FAM117A: variants seen among roughly 807,000 people sequenced by gnomAD.
FAM117A encodes protein FAM117A.
FAM117A carries 21 observed loss-of-function variants against 44.1 expected under a neutral mutation model. That is an observed-to-expected ratio of 0.48 (90% confidence interval 0.34 to 0.69). The LOEUF is 0.69. Among genes scored for constraint, FAM117A ranks in the 30% least tolerant of loss-of-function variants. The pLI is 0.01. For missense variants in FAM117A, 498 were observed against 589.9 expected (o/e 0.84, Z 1.61); for synonymous variants, 220 against 238.3 (o/e 0.92, Z 0.71).
intron 7 of FAM117A, 74 bp from the exon 8 acceptor site, chr17:49,711,629 T>A: frequency 3.6e-6 from 5 of 1,388,778 alleles, no homozygotes; most frequent in Non-Finnish European, 5.0e-6. Context: ...GAGGGTGAGA[T>A]GTCACAGCAT....
Position 49,737,020 on chromosome 17 carries a change from T to C in FAM117A, c.197-4300A>G, listed in dbSNP as rs531802181. Reference sequence around the variant, plus strand: ...AAAAACCTTCACAAGAAGGGTCAACTGGCTCTACTTTTACCAGGGGTTCTG... The same window carrying C: ...AAAAACCTTCACAAGAAGGGTCAACCGGCTCTACTTTTACCAGGGGTTCTG... On this transcript the variant is annotated intron_variant, in intron 1 of 7. Transcript: ENST00000240364. 5.3e-4 allele frequency among the ~76,000 whole-genome samples: 81 copies of C among 152,358 alleles called. 1 individual carries two copies. In the South Asian group the frequency reaches 0.014, roughly 27 times the overall value.
intron 1 of FAM117A, among the ~76,000 whole-genome samples, chr17:49,757,581 G>C (rs981814513): frequency 6.6e-6 from 1 of 152,270 alleles, no homozygotes; most frequent in Non-Finnish European, 1.5e-5. Context: ...GCTGTTACGA[G>C]AACCTCCCAC....
At chr17:49,717,829 C>T (rs2073512498) in intron 5 of FAM117A, 115 bp from the exon 6 acceptor site, 1 of 779,914 alleles carries the variant, frequency 1.3e-6, no homozygotes, top group African/African-American at 1.8e-5. Context: ...TGACACACAA[C>T]CACAGAACAC....
intron 1 of FAM117A, among the ~76,000 whole-genome samples, chr17:49,780,958 G>C (rs543131346): frequency 5.0e-4 from 76 of 152,280 alleles, no homozygotes; most frequent in African/African-American, 1.7e-3. Context: ...AGACTCCCAG[G>C]TAGCTGAGAT....
In FAM117A at chr17:49,711,519, A is replaced by G. The variant is rs1217468686; in HGVS notation, c.1098T>C (p.Cys366=). ...PGPDLAFLTS[C]PDKNKVHFNP... is the part of the protein sequence containing the mutation. Reference sequence around the variant, plus strand: ...TGAAATGGACTTTGTTCTTGTCAGGACAGGAAGTCAGGAAGGCCAGGTCAG... The same window carrying G: ...TGAAATGGACTTTGTTCTTGTCAGGGCAGGAAGTCAGGAAGGCCAGGTCAG... Residue 366 remains cysteine, a synonymous_variant, in exon 8 of 8, where the codon TGT becomes TGC. Coordinates refer to ENST00000240364, the MANE Select transcript of FAM117A (RefSeq NM_030802.4). 6.2e-7 allele frequency: 1 copy of G among 1,614,082 alleles called. No individual in the cohort carries two copies. The highest frequency in any genetic ancestry group is 1.1e-5 in the South Asian group (1 of 91,082).
At chr17:49,774,342 T>C (rs891527795) in intron 1 of FAM117A, among the ~76,000 whole-genome samples, 15 of 147,740 alleles carry the variant, frequency 1.0e-4, no homozygotes, top group Non-Finnish European at 1.8e-4. Flanking sequence ...GGCATGGTTT[T>C]GTCATACTGC....
intron 2 of FAM117A, among the ~76,000 whole-genome samples, chr17:49,726,558 A>G (rs1221219840): frequency 6.6e-6 from 1 of 152,210 alleles, no homozygotes; most frequent in Non-Finnish European, 1.5e-5. Flanking sequence ...TGTGGACTAT[A>G]GCCCCTCCTA....
chr17:49,787,452 C>T (rs1482527342), intron 1 of FAM117A, among the ~76,000 whole-genome samples: 1 of 152,244 alleles, frequency 6.6e-6, no homozygotes, highest in Non-Finnish European at 1.5e-5. Context: ...AAGGAGAGTG[C>T]TGGCTAAAGG....
chr17:49,724,286 C>A lies in FAM117A; in HGVS notation c.367-1692G>T, dbSNP rs919114511. The A allele has an allele frequency of 1.6e-5, 7 of 451,596 alleles. No individual in the cohort carries two copies. In the East Asian group the frequency reaches 4.2e-4, roughly 27 times the overall value. The allele number at this position is 451,596 out of a possible 1,614,324, so 28.0% of individuals were successfully genotyped here. The stretch of plus-strand genomic sequence containing the variant: ...AATCGAAGCTGGGCCCCGCACCCCC[C>A]ACACAAACCTGTTGTCCCTGGAAGG... On this transcript the variant is annotated intron_variant, in intron 2 of 7. Transcript: ENST00000240364.
At chr17:49,764,251 C>A, upstream of FAM117A, 1 of 396,304 alleles carries the variant, frequency 2.5e-6, no homozygotes, top group Non-Finnish European at 4.5e-6. Context: ...CAATCCACAG[C>A]TTAGCCTTCC....
Position 49,711,502 on chromosome 17 carries a change from A to G in FAM117A, c.1115T>C (p.Val372Ala). Residue 372 changes from valine to alanine, a missense_variant, in exon 8 of 8, where the codon GTC becomes GCC. Physicochemically the swap from Val to Ala is moderately conservative, Grantham distance 64 (BLOSUM62 0). This residue lies in a region of FAM117A where 224 missense variants were observed against 296.5 expected (regional missense o/e 0.76). Transcript: ENST00000240364. Reference sequence around the variant, plus strand: ...GGCTGAGCCAGTCGGGTTGAAATGGACTTTGTTCTTGTCAGGACAGGAAGT... The same window carrying G: ...GGCTGAGCCAGTCGGGTTGAAATGGGCTTTGTTCTTGTCAGGACAGGAAGT... ...FLTSCPDKNK[V>A]HFNPTGSAFC... The G allele has an allele frequency of 6.2e-7, 1 of 1,614,048 alleles. No individual in the cohort carries two copies. Among genetic ancestry groups the G allele is most frequent in the Non-Finnish European group, 8.5e-7 (1 of 1,179,996 alleles).
chr17:49,752,048 G>T, intron 1 of FAM117A, among the ~76,000 whole-genome samples: 1 of 151,960 alleles, frequency 6.6e-6, no homozygotes, highest in Non-Finnish European at 1.5e-5. Context: ...TTGAGCCCAG[G>T]AGTTTGAGAC....
Position 49,776,507 on chromosome 17 carries a change from G to T in FAM117A, c.-621+11990C>A, listed in dbSNP as rs544375462. Among the ~76,000 whole-genome samples, 6 of 152,264 alleles carry T rather than the reference G, an allele frequency of 3.9e-5. No homozygotes were observed. The South Asian group carries it at 1.2e-3, about 32-fold the overall frequency. ...GTTTATAATGCTAAGAAATTATGGAGGTGCGTCTAGAGGTTTCTAGCTGCT... is the reference window on the plus strand; with the variant it reads ...GTTTATAATGCTAAGAAATTATGGATGTGCGTCTAGAGGTTTCTAGCTGCT... On this transcript the variant is annotated intron_variant, in intron 1 of 7. Coordinates refer to the FAM117A transcript ENST00000513602.
chr17:49,728,887 A>C (rs1485081918), intron 2 of FAM117A, among the ~76,000 whole-genome samples: 1 of 152,192 alleles, frequency 6.6e-6, no homozygotes, highest in African/African-American at 2.4e-5. Flanking sequence ...TCCTCCTCCC[A>C]AAAACAACCA....
In FAM117A at chr17:49,763,916, G is replaced by A. The variant is rs1395853489; in HGVS notation, c.172C>T (p.Arg58Cys). The A allele has an allele frequency of 3.4e-6, 4 of 1,186,562 alleles. No homozygotes were observed. The highest frequency in any genetic ancestry group is 1.6e-5 in the African/African-American group (1 of 61,192). The allele number at this position is 1,186,562 out of a possible 1,614,324, so 73.5% of individuals were successfully genotyped here. Residue 58 changes from arginine (R) to cysteine (C), a missense_variant, in exon 1 of 8, where the codon CGC becomes TGC. Physicochemically the swap from Arg to Cys is radical, Grantham distance 180 (BLOSUM62 -3). Coordinates refer to ENST00000240364, the MANE Select transcript of FAM117A (RefSeq NM_030802.4). Reference protein sequence around the residue: ...IPFQLQQPHQRRDGGGRAASV... With the variant: ...IPFQLQQPHQCRDGGGRAASV... Reference sequence around the variant, plus strand: ...CCTGCACGGCCACCCCCGTCCCGGCGCTGGTGCGGCTGCTGCAGCTGGAAG... The same window carrying A: ...CCTGCACGGCCACCCCCGTCCCGGCACTGGTGCGGCTGCTGCAGCTGGAAG...
chr17:49,786,778 GAA>G (rs35017139), intron 1 of FAM117A, among the ~76,000 whole-genome samples: 67 of 117,172 alleles, frequency 5.7e-4, no homozygotes, highest in East Asian at 2.5e-3. Flanking sequence ...CCCTGTCTCA[GAA>G]AAAAAAAAAA....
At chr17:49,768,184 G>T (rs1245125050), upstream of FAM117A, among the ~76,000 whole-genome samples, 1 of 152,140 alleles carries the variant, frequency 6.6e-6, no homozygotes, top group Non-Finnish European at 1.5e-5. Context: ...AAGGGCAAAA[G>T]GCTGTGGGGA....
chr17:49,741,354 TAGA>T (rs1284038010), intron 1 of FAM117A, among the ~76,000 whole-genome samples: 7 of 152,186 alleles, frequency 4.6e-5, no homozygotes, highest in African/African-American at 1.4e-4. Context: ...ATGCACATGT[TAGA>T]AGAAGAAAAT....
intron 1 of FAM117A, among the ~76,000 whole-genome samples, chr17:49,748,170 G>A (rs1156579767): frequency 6.6e-6 from 1 of 152,222 alleles, no homozygotes. Flanking sequence ...ATGCTTAACA[G>A]TAATGTCACC....
Sources: allele counts gnomAD v4.1 joint callset (sites outside exome capture counted in the v4.1 genomes callset), GRCh38; gene constraint gnomAD v4.1.1; regional missense constraint gnomAD v4.1.1; transcripts MANE v1.5; gene names NCBI Gene and HGNC (gene_info 2026-07-23, HGNC 2026-07-21).